LAMA4: variants seen among roughly 807,000 people sequenced by gnomAD.
LAMA4 encodes laminin subunit alpha-4.
In LAMA4, 127 loss-of-function variants were observed where a neutral mutation model predicts 207.1. The observed-to-expected ratio is 0.61, with a 90% CI of 0.53 to 0.71. The LOEUF is 0.71. Among genes scored for constraint, LAMA4 ranks in the 30% least tolerant of loss-of-function variants. The pLI is 0.00. For synonymous variants in LAMA4, 761 were observed against 816.0 expected, an observed-to-expected ratio of 0.93 and a Z score of 1.15; for missense variants, 2,093 against 2,246.5, an observed-to-expected ratio of 0.93 and a Z score of 1.38.
rs1156933304 is a variant in LAMA4 at position 112,234,791 on chromosome 6, G to T, written c.196-18322C>A. The T allele has an allele frequency of 2.0e-5, 3 of 152,122 alleles. No homozygotes were observed. The East Asian group carries it at 5.8e-4, about 29-fold the overall frequency. 9.4% of individuals were successfully genotyped at this position (152,122 alleles called of 1,614,324 possible). A position where few individuals can be genotyped will look rare whatever the true frequency, so the allele number is the denominator to read the frequency against. On this transcript the variant is annotated intron_variant, in intron 2 of 38. Transcript: ENST00000230538. ...TATACTGCATGTCCAAAAACATAGG[G>T]CACAGGAAAAATGTGCTTCATCTGC...
chr6:112,182,088 C>T (rs1271215654), intron 9 of LAMA4, among the ~76,000 whole-genome samples: 1 of 146,452 alleles, frequency 6.8e-6, no homozygotes, highest in Non-Finnish European at 1.5e-5. Flanking sequence ...CAGAGCGAGA[C>T]TCTGTCTGAA....
Position 112,115,978 on chromosome 6 carries a change from A to G in LAMA4, c.4997T>C (p.Ile1666Thr). ...GYVVLDESFNIGLKFEIAFEV... is the reference protein window; with the variant it reads ...GYVVLDESFNTGLKFEIAFEV... ...AAATGCAATTTCAAACTTCAATCCA[A>G]TATTGAAAGATTCATCTGTGGAGAG... The change falls in exon 36 of 39, where the codon ATT (isoleucine) becomes ACT (threonine). Residue 1666 changes from isoleucine to threonine, a missense_variant. Transcript: ENST00000230538. The G allele has an allele frequency of 6.2e-7, 1 of 1,612,948 alleles. No individual in the cohort carries two copies. The highest frequency in any genetic ancestry group is 8.5e-7 in the Non-Finnish European group (1 of 1,179,166).
chr6:112,142,449 G>A (rs1435590645), intron 19 of LAMA4, among the ~76,000 whole-genome samples, 157 bp from the exon 20 acceptor site: 1 of 151,912 alleles, frequency 6.6e-6, no homozygotes, highest in Non-Finnish European at 1.5e-5. Context: ...AGAAGACTTA[G>A]GGCAGATTGT....
chr6:112,139,305 A>G lies in LAMA4; in HGVS notation c.3111-14T>C, dbSNP rs782524088. The G allele has an allele frequency of 3.7e-6, 6 of 1,613,954 alleles. No individual in the cohort carries two copies. Among genetic ancestry groups the G allele is most frequent in the African/African-American group, 1.3e-5 (1 of 74,944 alleles). On this transcript the variant is annotated splice_polypyrimidine_tract_variant and intron_variant, in intron 23 of 38. Transcript: ENST00000230538. ...GCCAGCTTATCTCTGAAATGGAAAC[A>G]CAACGGTCATTTGAACACTACAGTT...
In LAMA4 at chr6:112,114,118, G is replaced by A. The variant is rs782227058; in HGVS notation, c.5284C>T (p.Pro1762Ser). Residue 1762 changes from proline (P) to serine (S), a missense_variant, in exon 38 of 39, where the codon CCA becomes TCA. Transcript: ENST00000230538. ...NHVVGPLNPKPIDHREPVFVG... is the reference protein window; with the variant it reads ...NHVVGPLNPKSIDHREPVFVG... The stretch of plus-strand genomic sequence containing the variant: ...AACACAGGCTCCCTGTGATCAATTG[G>A]TTTTGGATTCAGGGGTCCAACCACA... 22 of 1,613,934 alleles carry A rather than the reference G, an allele frequency of 1.4e-5. No individual in the cohort carries two copies. Among genetic ancestry groups the A allele is most frequent in the Non-Finnish European group, 1.8e-5 (21 of 1,179,882 alleles).
intron 5 of LAMA4, among the ~76,000 whole-genome samples, chr6:112,197,701 C>T (rs1043884736): frequency 6.6e-6 from 1 of 152,186 alleles, no homozygotes; most frequent in Non-Finnish European, 1.5e-5. Flanking sequence ...GTGGTAGAGA[C>T]TGCCTGTGTT....
intron 4 of LAMA4, among the ~76,000 whole-genome samples, chr6:112,202,443 G>GTGTGTGTGT (rs781857527): frequency 2.7e-5 from 4 of 150,028 alleles, no homozygotes; most frequent in African/African-American, 9.8e-5. Context: ...GGGGCATAGG[G>GTGTGTGTGT]GTGTGTGTGT....
intron 4 of LAMA4, among the ~76,000 whole-genome samples, chr6:112,205,818 A>G (rs1041587198): frequency 2.0e-5 from 3 of 152,098 alleles, no homozygotes; most frequent in Non-Finnish European, 4.4e-5. Context: ...CCCAACCTCC[A>G]GGGAGGAGAG....
intron 2 of LAMA4, chr6:112,251,179 G>C (rs1001764427): frequency 3.3e-5 from 5 of 152,132 alleles, no homozygotes; most frequent in Non-Finnish European, 7.4e-5. Flanking sequence ...CTTTGCATCT[G>C]GGGGGAAGCT....
At chr6:112,228,670 G>T (rs1785367090) in intron 2 of LAMA4, among the ~76,000 whole-genome samples, 1 of 152,254 alleles carries the variant, frequency 6.6e-6, no homozygotes, top group Admixed American at 6.5e-5. Flanking sequence ...GAACTGTGGA[G>T]GAGGGGAGCT....
intron 32 of LAMA4, 127 bp from the exon 33 acceptor site, chr6:112,120,599 T>C (rs1203630410): frequency 7.0e-6 from 5 of 717,956 alleles, no homozygotes; most frequent in Non-Finnish European, 9.6e-6. Context: ...CAAGCAACAT[T>C]ATTCCACACT....
intron 2 of LAMA4, chr6:112,218,488 G>A (rs1276542648): frequency 6.6e-6 from 1 of 152,152 alleles, no homozygotes; most frequent in Admixed American, 6.5e-5. Flanking sequence ...TTTGGACAAG[G>A]ACAGCAAACT....
intron 11 of LAMA4, among the ~76,000 whole-genome samples, chr6:112,174,517 CAG>C (rs1781905483): frequency 2.0e-5 from 3 of 152,198 alleles, no homozygotes; most frequent in Admixed American, 2.0e-4. Context: ...TGTTTTGGGA[CAG>C]AGTCTCACTC....
intron 37 of LAMA4, 141 bp from the exon 38 acceptor site, chr6:112,114,336 A>G: frequency 1.2e-6 from 1 of 833,392 alleles, no homozygotes; most frequent in Non-Finnish European, 2.0e-6. Context: ...TAAAATCATC[A>G]ATGATGTCTA....
chr6:112,146,037 C>G (rs1219938262), intron 18 of LAMA4, among the ~76,000 whole-genome samples: 1 of 152,114 alleles, frequency 6.6e-6, no homozygotes, highest in African/African-American at 2.4e-5. Context: ...CACCTGTAAT[C>G]CCAGAACTTT....
At chr6:112,142,048 T>C (rs1779727506) in intron 20 of LAMA4, 71 bp downstream of exon 20, 2 of 1,554,864 alleles carry the variant, frequency 1.3e-6, no homozygotes, top group Non-Finnish European at 1.8e-6. Context: ...CTAGGTGGCT[T>C]TATTTTAGGC....
In LAMA4 at chr6:112,129,040, C is replaced by A. The variant is rs200468893; in HGVS notation, c.4169G>T (p.Arg1390Leu). ...AGAAGTGTGGACCTTTTCAGTATAC[C>A]GTTGGAAATCTTCAACCTCCACATC... ...DRDVEVEDFQRYTEKVHTSLY... is the reference protein window; with the variant it reads ...DRDVEVEDFQLYTEKVHTSLY... Residue 1390 changes from arginine (R) to leucine (L), a missense_variant, in exon 31 of 39, where the codon CGG becomes CTG. Physicochemically the swap from Arg to Leu is moderately radical, Grantham distance 102. This residue lies in a region of LAMA4 where 1,704 missense variants were observed against 1,788.4 expected (regional missense o/e 0.95). Transcript: ENST00000230538. The A allele has an allele frequency of 3.0e-5, 49 of 1,612,356 alleles. No homozygotes were observed. The highest frequency in any genetic ancestry group is 4.0e-5 in the Non-Finnish European group (47 of 1,178,736).
At chr6:112,172,890 C>G in intron 11 of LAMA4, 86 bp from the exon 12 acceptor site, 2 of 1,031,026 alleles carry the variant, frequency 1.9e-6, no homozygotes, top group Non-Finnish European at 3.0e-6. Flanking sequence ...TTGCAAAATT[C>G]TCAGGCCATG....
chr6:112,199,191 C>A (rs1783591252), intron 5 of LAMA4, among the ~76,000 whole-genome samples: 1 of 152,142 alleles, frequency 6.6e-6, no homozygotes, highest in African/African-American at 2.4e-5. Flanking sequence ...GGTGGGCGTG[C>A]AGTCCTGCTG....
Sources: gnomAD v4.1 joint callset for allele counts (sites outside exome capture counted in the v4.1 genomes callset) on GRCh38, gnomAD v4.1.1 for gene constraint, gnomAD v4.1.1 regional missense constraint, MANE v1.5 for transcripts, NCBI Gene and HGNC (gene_info 2026-07-23, HGNC 2026-07-21) for gene names.